KLHL1: variants seen among roughly 807,000 people sequenced by gnomAD.
KLHL1 encodes kelch like family member 1, also known as kelch-like protein 1.
In KLHL1, 47 loss-of-function variants were observed where a neutral mutation model predicts 77.7. The observed-to-expected ratio is 0.60, with a 90% CI of 0.48 to 0.77. The LOEUF (loss-of-function observed/expected upper bound fraction) is 0.77. Ranked by LOEUF, KLHL1 falls within the 30% of genes least tolerant of loss-of-function variation. KLHL1 has a pLI of 0.00. For synonymous variants in KLHL1, 360 were observed against 325.2 expected, an observed-to-expected ratio of 1.11 and a Z score of -1.15; for missense variants, 925 against 910.8, an observed-to-expected ratio of 1.02 and a Z score of -0.20.
In KLHL1 at chr13:69,878,620, C is replaced by G. The variant is rs115097131; in HGVS notation, c.1227+3663G>C. Among the ~76,000 whole-genome samples, 949 of 151,748 alleles carry G rather than the reference C, an allele frequency of 6.3e-3. 12 individuals are homozygous for G. Among genetic ancestry groups the G allele is most frequent in the African/African-American group, 0.022 (891 of 41,370 alleles). On this transcript the variant is annotated intron_variant, in intron 5 of 10. Coordinates refer to ENST00000377844, the MANE Select transcript of KLHL1 (RefSeq NM_020866.3). The stretch of plus-strand genomic sequence containing the variant: ...AAGCAATATATAATTATATGTTACA[C>G]TATATGTAACATTACGTGTGTGTAT...
chr13:69,845,598 T>C (rs559467187), intron 5 of KLHL1, among the ~76,000 whole-genome samples: 204 of 151,784 alleles, frequency 1.3e-3, no homozygotes, highest in Non-Finnish European at 2.3e-3. Flanking sequence ...TTCATGTGTA[T>C]TGTTTCTATA....
At chr13:69,845,595 G>A (rs1389651437) in intron 5 of KLHL1, among the ~76,000 whole-genome samples, 1 of 151,418 alleles carries the variant, frequency 6.6e-6, no homozygotes, top group Non-Finnish European at 1.5e-5. Context: ...TATTTCATGT[G>A]TATTGTTTCT....
chr13:70,105,224 A>G (rs1276107956), intron 1 of KLHL1, among the ~76,000 whole-genome samples: 2 of 152,068 alleles, frequency 1.3e-5, no homozygotes, highest in African/African-American at 4.8e-5. Flanking sequence ...GTGAATAAAA[A>G]TAATAAACTA....
chr13:69,864,246 A>T (rs1180466468), intron 5 of KLHL1, among the ~76,000 whole-genome samples: 1 of 152,036 alleles, frequency 6.6e-6, no homozygotes, highest in East Asian at 1.9e-4. Context: ...TCTATGAAGA[A>T]TAATAGTCTG....
intron 1 of KLHL1, among the ~76,000 whole-genome samples, chr13:69,976,207 C>A (rs967100191): frequency 1.3e-5 from 2 of 151,776 alleles, no homozygotes; most frequent in Admixed American, 6.6e-5. Context: ...AAATAGAATT[C>A]TTGAGATGTC....
At chr13:69,825,730 G>C (rs970740653) in intron 6 of KLHL1, among the ~76,000 whole-genome samples, 1 of 152,114 alleles carries the variant, frequency 6.6e-6, no homozygotes, top group African/African-American at 2.4e-5. Context: ...GGGCTGAGGT[G>C]ATAAAGTTTC....
chr13:69,918,816 T>C (rs1478800413), intron 4 of KLHL1, among the ~76,000 whole-genome samples: 1 of 152,144 alleles, frequency 6.6e-6, no homozygotes, highest in African/African-American at 2.4e-5. Flanking sequence ...TTTTAGTGTG[T>C]CCTTTCTCTA....
intron 1 of KLHL1, among the ~76,000 whole-genome samples, chr13:70,085,877 A>G (rs563590464): frequency 6.6e-6 from 1 of 152,256 alleles, no homozygotes; most frequent in South Asian, 2.1e-4. Flanking sequence ...ACCACAAACA[A>G]AACAAACAAA....
intron 4 of KLHL1, among the ~76,000 whole-genome samples, chr13:69,937,950 A>C (rs867125786): frequency 1.8e-4 from 27 of 152,296 alleles, no homozygotes; most frequent in African/African-American, 6.5e-4. Flanking sequence ...CAGACAAATA[A>C]TTACAGTCAG....
chr13:69,937,640 C>T (rs1385216271), intron 4 of KLHL1, among the ~76,000 whole-genome samples: 1 of 152,098 alleles, frequency 6.6e-6, no homozygotes, highest in Non-Finnish European at 1.5e-5. Flanking sequence ...ATTAATTTTA[C>T]ACTTCTACCT....
At chr13:70,099,508 A>G (rs4884876) in intron 1 of KLHL1, among the ~76,000 whole-genome samples, 47,253 of 151,796 alleles carry the variant, frequency 0.31, 7,619 homozygotes, top group South Asian at 0.51. Flanking sequence ...CAAATTCTGT[A>G]AAGTAAGTAT....
intron 6 of KLHL1, among the ~76,000 whole-genome samples, chr13:69,837,023 T>C (rs1008821401): frequency 1.3e-5 from 2 of 152,028 alleles, no homozygotes; most frequent in Non-Finnish European, 2.9e-5. Flanking sequence ...ACTCTTTATA[T>C]TTTGTTATGT....
intron 4 of KLHL1, among the ~76,000 whole-genome samples, chr13:69,887,074 T>C (rs530433200): frequency 3.9e-5 from 6 of 152,290 alleles, no homozygotes; most frequent in African/African-American, 1.4e-4. Context: ...TAGGTAAGTA[T>C]GAAAAATATA....
intron 7 of KLHL1, among the ~76,000 whole-genome samples, chr13:69,786,222 C>CTTTAG (rs1291402635): frequency 7.9e-5 from 12 of 152,246 alleles, no homozygotes; most frequent in Admixed American, 2.0e-4. Flanking sequence ...AATTTTAGAC[C>CTTTAG]AATATCCTTG....
intron 5 of KLHL1, among the ~76,000 whole-genome samples, chr13:69,850,684 C>T (rs535542975): frequency 6.6e-6 from 1 of 151,746 alleles, no homozygotes; most frequent in South Asian, 2.1e-4. Flanking sequence ...CAAACTACTC[C>T]CACAGCGTCC....
intron 1 of KLHL1, among the ~76,000 whole-genome samples, chr13:70,044,027 C>A (rs1450180595): frequency 6.6e-6 from 1 of 152,110 alleles, no homozygotes; most frequent in Non-Finnish European, 1.5e-5. Flanking sequence ...AAGTAAATTC[C>A]CGTTGTCCTA....
At chr13:69,993,897 T>G (rs868169369) in intron 1 of KLHL1, among the ~76,000 whole-genome samples, 1 of 152,024 alleles carries the variant, frequency 6.6e-6, no homozygotes, top group Admixed American at 6.6e-5. Context: ...GTTTGAGAAA[T>G]ATAGAGATCA....
At chr13:69,775,428 G>T (rs1009589788) in intron 7 of KLHL1, among the ~76,000 whole-genome samples, 3 of 151,832 alleles carry the variant, frequency 2.0e-5, no homozygotes, top group Non-Finnish European at 4.4e-5. Context: ...AATTTATAGG[G>T]TATACTCTTT....
At chr13:70,032,714 G>A (rs373957018) in intron 1 of KLHL1, among the ~76,000 whole-genome samples, 58 of 152,150 alleles carry the variant, frequency 3.8e-4, no homozygotes, top group Non-Finnish European at 6.3e-4. Context: ...ATTATTCTAT[G>A]CATTTAGAAA....
Sources: allele counts gnomAD v4.1 joint callset (sites outside exome capture counted in the v4.1 genomes callset), GRCh38; gene constraint gnomAD v4.1.1; transcripts MANE v1.5; gene names NCBI Gene and HGNC (gene_info 2026-07-23, HGNC 2026-07-21).